ANKFN1: variants seen among roughly 807,000 people sequenced by gnomAD.
ANKFN1 encodes ankyrin repeat and fibronectin type-III domain-containing protein 1.
A neutral mutation model predicts 108.7 loss-of-function variants in ANKFN1; 74 were observed. That is an observed-to-expected ratio of 0.68 (90% CI 0.56 to 0.83). The LOEUF (loss-of-function observed/expected upper bound fraction) is 0.83. Among genes scored for constraint, ANKFN1 ranks in the 40% least tolerant of loss-of-function variants. The pLI is 0.00. For missense variants in ANKFN1, 1,505 were observed against 1,382.3 expected, an observed-to-expected ratio of 1.09 and a Z score of -1.41; for synonymous variants, 547 against 516.2, an observed-to-expected ratio of 1.06 and a Z score of -0.81.
At chr17:56,163,764 T>A (rs1217496484) in intron 1 of ANKFN1, among the ~76,000 whole-genome samples, 1 of 152,176 alleles carries the variant, frequency 6.6e-6, no homozygotes, top group East Asian at 1.9e-4. Context: ...TCTTTTTCCT[T>A]CCCTTCCAAT....
At chr17:56,243,488 C>T (rs901348430) in intron 3 of ANKFN1, among the ~76,000 whole-genome samples, 1 of 152,246 alleles carries the variant, frequency 6.6e-6, no homozygotes, top group African/African-American at 2.4e-5. Flanking sequence ...CCAAGGACAG[C>T]GAACTTTTTC....
At chr17:56,206,664 A>T (rs1185895240) in intron 1 of ANKFN1, 1 of 152,142 alleles carries the variant, frequency 6.6e-6, no homozygotes, top group African/African-American at 2.4e-5. Context: ...AGCATTCGTG[A>T]CCTGGGAGCA....
intron 16 of ANKFN1, among the ~76,000 whole-genome samples, chr17:56,479,631 T>G (rs529799817): frequency 1.3e-5 from 2 of 152,318 alleles, no homozygotes; most frequent in East Asian, 3.9e-4. Context: ...AAGAGAGTAG[T>G]TTTTGATGAA....
chr17:56,442,198 G>C (rs2049128033), intron 9 of ANKFN1, among the ~76,000 whole-genome samples: 1 of 152,090 alleles, frequency 6.6e-6, no homozygotes, highest in Non-Finnish European at 1.5e-5. Flanking sequence ...TTTTAAATGT[G>C]TATGCAGCTG....
In ANKFN1 at chr17:56,480,761, C is replaced by A; in HGVS notation, c.2034C>A (p.Tyr678Ter). The change falls in exon 17 of 21, where the codon TAC (tyrosine) becomes TAA (stop). Residue 678 changes from tyrosine (Y) to a stop codon, truncating the protein, a stop_gained. Coordinates refer to ENST00000682825, the MANE Select transcript of ANKFN1 (RefSeq NM_001370326.1). LOFTEE classifies it high-confidence loss of function. ...ACTGCCCCATGCAATTGTTCTTCTA[C>A]GAGCTCCAGATGGCAGTGAAAGCTC... is the stretch of plus-strand genomic sequence containing the variant. ...TSDCPMQLFFYELQMAVKALL... is the reference protein window; with the variant it reads ...TSDCPMQLFF The A allele has an allele frequency of 6.2e-7, 1 of 1,614,024 alleles. No individual in the cohort carries two copies. Among genetic ancestry groups the A allele is most frequent in the Non-Finnish European group, 8.5e-7 (1 of 1,179,954 alleles).
intron 3 of ANKFN1, among the ~76,000 whole-genome samples, chr17:56,313,872 T>A (rs1056980562): frequency 1.3e-5 from 2 of 152,218 alleles, no homozygotes; most frequent in African/African-American, 4.8e-5. Context: ...TAAATCAAGA[T>A]ACAGAACATT....
intron 10 of ANKFN1, among the ~76,000 whole-genome samples, chr17:56,447,485 G>C (rs1197566237): frequency 2.6e-5 from 4 of 152,162 alleles, no homozygotes; most frequent in Non-Finnish European, 1.5e-5. Context: ...TTGAGGGTCA[G>C]GAGATATTAT....
chr17:56,497,116 C>G (rs2051224092), intron 19 of ANKFN1, among the ~76,000 whole-genome samples: 1 of 152,092 alleles, frequency 6.6e-6, no homozygotes, highest in Non-Finnish European at 1.5e-5. Flanking sequence ...TTTAAAATAA[C>G]TTTCAACAAG....
intron 12 of ANKFN1, 116 bp from the exon 13 acceptor site, chr17:56,457,141 A>G: frequency 3.4e-6 from 4 of 1,167,224 alleles, no homozygotes; most frequent in Non-Finnish European, 4.8e-6. Flanking sequence ...TGAACTTATG[A>G]TACTTAGCAG....
chr17:56,195,798 T>C (rs1232680982), intron 1 of ANKFN1, among the ~76,000 whole-genome samples: 2 of 152,188 alleles, frequency 1.3e-5, no homozygotes, highest in East Asian at 1.9e-4. Flanking sequence ...ACAGGGCATG[T>C]ATCTTTATTG....
At chr17:56,120,644 G>T (rs377319113) in intron 4 of ANKFN1, among the ~76,000 whole-genome samples, 8 of 152,200 alleles carry the variant, frequency 5.3e-5, no homozygotes, top group African/African-American at 1.9e-4. Flanking sequence ...CAATTGATAC[G>T]ATGAGTAATT....
chr17:56,136,190 A>T (rs1907591024), intron 4 of ANKFN1, among the ~76,000 whole-genome samples: 1 of 152,206 alleles, frequency 6.6e-6, no homozygotes, highest in South Asian at 2.1e-4. Context: ...ATAACAGATA[A>T]GACCCCTGAA....
chr17:56,218,867 A>G (rs1249125538), intron 2 of ANKFN1, among the ~76,000 whole-genome samples: 1 of 152,244 alleles, frequency 6.6e-6, no homozygotes, highest in African/African-American at 2.4e-5. Flanking sequence ...TTACTTGAAC[A>G]TTTAACTTAT....
At chr17:56,117,501 CT>C (rs2143280245) in intron 4 of ANKFN1, among the ~76,000 whole-genome samples, 2 of 152,274 alleles carry the variant, frequency 1.3e-5, no homozygotes, top group East Asian at 3.9e-4. Flanking sequence ...TTTGCAAAAT[CT>C]AATTATCTTC....
chr17:56,306,953 A>C (rs2044846680), intron 3 of ANKFN1, among the ~76,000 whole-genome samples: 1 of 152,214 alleles, frequency 6.6e-6, no homozygotes, highest in African/African-American at 2.4e-5. Flanking sequence ...TCTTTGACAA[A>C]CCTGACAAAA....
chr17:56,248,814 A>C (rs1161418159), intron 3 of ANKFN1, among the ~76,000 whole-genome samples: 1 of 152,226 alleles, frequency 6.6e-6, no homozygotes, highest in Non-Finnish European at 1.5e-5. Flanking sequence ...GAAGGATGAA[A>C]GTACATGTGG....
At chr17:56,068,125 C>A (rs1905081554) in intron 4 of ANKFN1, among the ~76,000 whole-genome samples, 2 of 152,076 alleles carry the variant, frequency 1.3e-5, no homozygotes, top group Admixed American at 6.6e-5. Context: ...GCCTGGGAGA[C>A]CCCATCCCAC....
chr17:56,418,901 G>A (rs938286163), intron 8 of ANKFN1, among the ~76,000 whole-genome samples: 1 of 152,000 alleles, frequency 6.6e-6, no homozygotes, highest in East Asian at 1.9e-4. Context: ...GCAATTTGTA[G>A]AACTGAGGTG....
At chr17:56,273,952 A>ACTT (rs960855040) in intron 3 of ANKFN1, among the ~76,000 whole-genome samples, 8 of 152,264 alleles carry the variant, frequency 5.3e-5, no homozygotes, top group African/African-American at 1.9e-4. Context: ...CTTGACATTG[A>ACTT]CTTCTTCTAT....
Sources: allele counts gnomAD v4.1 joint callset (sites outside exome capture counted in the v4.1 genomes callset), GRCh38; gene constraint gnomAD v4.1.1; transcripts MANE v1.5; gene names NCBI Gene and HGNC (gene_info 2026-07-23, HGNC 2026-07-21).